Variants in NRM observed in about 807,000 individuals in gnomAD.
NRM encodes nurim.
In NRM, 19 loss-of-function variants were observed where a neutral mutation model predicts 23.4. The observed-to-expected ratio is 0.81, with a 90% confidence interval of 0.57 to 1.19. NRM has a LOEUF of 1.19. NRM is among the 50% of genes most tolerant of loss of function. The probability of loss-of-function intolerance (pLI) is 0.00; values close to 1 mark genes in which losing one functional copy is unlikely to be tolerated. For synonymous variants in NRM, 140 were observed against 143.5 expected (o/e 0.98, Z 0.17); for missense variants, 232 against 329.7 (o/e 0.70, Z 2.30).
Position 30,688,646 on chromosome 6 carries a change from A to G in NRM, c.*15T>C. 6.2e-7 allele frequency: 1 copy of G among 1,610,754 alleles called. No individual in the cohort carries two copies. Among genetic ancestry groups the G allele is most frequent in the Non-Finnish European group, 8.5e-7 (1 of 1,178,052 alleles). On this transcript the variant is annotated 3_prime_UTR_variant, in exon 4 of 4. Transcript: ENST00000376421. This position sits in a 1 kb window ranked among gnomAD's most constrained non-coding sequence, Gnocchi z 5.9. Reference sequence around the variant, plus strand: ...TGGGAGAGGAAGAACAGGGCTTGTAACCAGAGTGAGCTCCTCACTCTGCCT... The same window carrying G: ...TGGGAGAGGAAGAACAGGGCTTGTAGCCAGAGTGAGCTCCTCACTCTGCCT...
upstream of NRM, chr6:30,690,994 G>T: frequency 6.3e-7 from 1 of 1,590,556 alleles, no homozygotes; most frequent in East Asian, 2.3e-5. The surrounding 1 kb of genome is among the most constrained non-coding windows in gnomAD (Gnocchi z 5.5). Flanking sequence ...TGGAGGGGTG[G>T]GGAAAGGGGC....
In NRM at chr6:30,689,564, C is replaced by A; in HGVS notation, c.331-112G>T. ...GCTAGCCTGCAACTCTCCCCCACCT[C>A]TCTCCTAAGCATCACCACCAAATAT... is the stretch of plus-strand genomic sequence containing the variant. On this transcript the variant is annotated intron_variant, in intron 2 of 3. Coordinates refer to ENST00000376421, the MANE Select transcript of NRM (RefSeq NM_001384369.1). The surrounding 1 kb of genome is among the most constrained non-coding windows in gnomAD (Gnocchi z 4.7). 9.4e-7 allele frequency: 1 copy of A among 1,068,964 alleles called. No individual in the cohort carries two copies. The highest frequency in any genetic ancestry group is 1.3e-6 in the Non-Finnish European group (1 of 755,266). The allele number at this position is 1,068,964 out of a possible 1,614,324, so 66.2% of individuals were successfully genotyped here. A position where few individuals can be genotyped will look rare whatever the true frequency, so the allele number is the denominator to read the frequency against.
upstream of NRM, chr6:30,690,995 G>T: frequency 6.7e-7 from 1 of 1,497,476 alleles, no homozygotes; most frequent in Non-Finnish European, 9.2e-7. The surrounding 1 kb of genome is among the most constrained non-coding windows in gnomAD (Gnocchi z 5.5). Flanking sequence ...GGAGGGGTGG[G>T]GAAAGGGGCG....
chr6:30,691,000 G>A (rs1562047586), upstream of NRM: 2 of 1,577,812 alleles, frequency 1.3e-6, no homozygotes. The surrounding 1 kb of genome is among the most constrained non-coding windows in gnomAD (Gnocchi z 5.5). Context: ...GGTGGGGAAA[G>A]GGGCGGGGTC....
At position 30,690,935 on chromosome 6, in the gene NRM, A is replaced by G; in HGVS notation, c.40T>C (p.Ser14Pro). The G allele has an allele frequency of 6.5e-7, 1 of 1,539,644 alleles. No homozygotes were observed. Among genetic ancestry groups the G allele is most frequent in the Non-Finnish European group, 8.8e-7 (1 of 1,133,382 alleles). ...ALLLIPAALASFILAFGTGVE... is the reference protein window; with the variant it reads ...ALLLIPAALAPFILAFGTGVE... Reference sequence around the variant, plus strand: ...CCGGTGCCAAAGGCCAGGATGAAAGAGGCGAGGGCAGCAGGGATCAGGAGC... The same window carrying G: ...CCGGTGCCAAAGGCCAGGATGAAAGGGGCGAGGGCAGCAGGGATCAGGAGC... The change falls in exon 1 of 4, where the codon TCT (serine) becomes CCT (proline). Residue 14 changes from serine to proline, a missense_variant. Ser to Pro is a moderately conservative substitution (Grantham distance 74). Transcript: ENST00000376421. The surrounding 1 kb of genome is among the most constrained non-coding windows in gnomAD (Gnocchi z 5.5).
rs1180026495 is a variant in NRM, at chr6:30,689,040, G to A, written c.508-98C>T. The A allele has an allele frequency of 7.4e-7, 1 of 1,346,808 alleles. No individual in the cohort carries two copies. Among genetic ancestry groups the A allele is most frequent in the Non-Finnish European group, 1.0e-6 (1 of 1,003,632 alleles). The allele number at this position is 1,346,808 out of a possible 1,614,324, so 83.4% of individuals were successfully genotyped here. A position where few individuals can be genotyped will look rare whatever the true frequency, so the allele number is the denominator to read the frequency against. On this transcript the variant is annotated intron_variant, in intron 3 of 3. Coordinates refer to ENST00000376421, the MANE Select transcript of NRM (RefSeq NM_001384369.1). This position sits in a 1 kb window ranked among gnomAD's most constrained non-coding sequence, Gnocchi z 4.7. ...CCAGGCACCACCCTTCTAGAACTCAGGCCCAGGAACCCCCCTTCTGAGACT... is the reference window on the plus strand; with the variant it reads ...CCAGGCACCACCCTTCTAGAACTCAAGCCCAGGAACCCCCCTTCTGAGACT...
Position 30,688,743 on chromosome 6 carries a change from T to C in NRM, c.707A>G (p.Gln236Arg). 1.2e-6 allele frequency: 2 copies of C among 1,613,922 alleles called. No homozygotes were observed. The highest frequency in any genetic ancestry group is 1.7e-6 in the Non-Finnish European group (2 of 1,179,980). ...LYLGLAHGLD[Q>R]QDLRYLRAQL... Reference sequence around the variant, plus strand: ...GGCCCGGAGGTAGCGGAGGTCTTGCTGATCAAGCCCGTGAGCCAGGCCCAG... The same window carrying C: ...GGCCCGGAGGTAGCGGAGGTCTTGCCGATCAAGCCCGTGAGCCAGGCCCAG... The change falls in exon 4 of 4, where the codon CAG becomes CGG. Residue 236 changes from glutamine to arginine, a missense_variant. By Grantham distance (43) the Gln-to-Arg change is conservative. Coordinates refer to ENST00000376421, the MANE Select transcript of NRM (RefSeq NM_001384369.1). This position sits in a 1 kb window ranked among gnomAD's most constrained non-coding sequence, Gnocchi z 5.9.
Position 30,690,678 on chromosome 6 carries a change from T to G in NRM, c.133+164A>C. The G allele has an allele frequency of 6.2e-7, 1 of 1,607,516 alleles. No individual in the cohort carries two copies. The highest frequency in any genetic ancestry group is 8.5e-7 in the Non-Finnish European group (1 of 1,177,616). On this transcript the variant is annotated intron_variant, in intron 1 of 3. Coordinates refer to ENST00000376421, the MANE Select transcript of NRM (RefSeq NM_001384369.1). The surrounding 1 kb of genome is among the most constrained non-coding windows in gnomAD (Gnocchi z 5.5). ...AAAACTCTAATCCTTGAGTTCCTAA[T>G]TTAGAACTCAGGTCTCCCTCCCCTG...
At position 30,688,386 on chromosome 6, in the gene NRM, G is replaced by C. The variant is rs1771169598; in HGVS notation, c.*275C>G. ...CTTTCCTTCTCAGGAGGCTGTTGAG[G>C]GGGAGAGTGTCATGCTCTAAACAGT... On this transcript the variant is annotated 3_prime_UTR_variant, in exon 4 of 4. Transcript: ENST00000376421. This position sits in a 1 kb window ranked among gnomAD's most constrained non-coding sequence, Gnocchi z 5.9. 3.7e-6 allele frequency: 2 copies of C among 542,262 alleles called. No individual in the cohort carries two copies. Among genetic ancestry groups the C allele is most frequent in the Middle Eastern group, 4.8e-4 (1 of 2,076 alleles). 33.6% of individuals were successfully genotyped at this position (542,262 alleles called of 1,614,324 possible). A position where few individuals can be genotyped will look rare whatever the true frequency, so the allele number is the denominator to read the frequency against.
rs1771490191 is a variant in NRM, at chr6:30,690,439, T to C, written c.134-196A>G. ...CTCTTCCCTAGGCCTCCTGCAAACC[T>C]GGGGAAGAGGATTTATAGAACACCA... On this transcript the variant is annotated intron_variant, in intron 1 of 3. Transcript: ENST00000376421. The surrounding 1 kb of genome is among the most constrained non-coding windows in gnomAD (Gnocchi z 5.5). 2 of 1,202,276 alleles carry C rather than the reference T, an allele frequency of 1.7e-6. No individual in the cohort carries two copies. The highest frequency in any genetic ancestry group is 3.1e-5 in the South Asian group (2 of 63,820). 74.5% of individuals were successfully genotyped at this position (1,202,276 alleles called of 1,614,324 possible). A position where few individuals can be genotyped will look rare whatever the true frequency, so the allele number is the denominator to read the frequency against.
At position 30,689,533 on chromosome 6, in the gene NRM, C is replaced by A. The variant is rs3132591; in HGVS notation, c.331-81G>T. 1.4e-6 allele frequency: 2 copies of A among 1,383,280 alleles called. No individual in the cohort carries two copies. The highest frequency in any genetic ancestry group is 1.5e-5 in the South Asian group (1 of 68,340). The allele number at this position is 1,383,280 out of a possible 1,614,324, so 85.7% of individuals were successfully genotyped here. On this transcript the variant is annotated intron_variant, in intron 2 of 3. Transcript: ENST00000376421. The surrounding 1 kb of genome is among the most constrained non-coding windows in gnomAD (Gnocchi z 4.7). ...AGACCCAGACCCAGATCTGCCCCCA[C>A]CACAGGCTAGCCTGCAACTCTCCCC...
rs1282232862 is a variant in NRM at position 30,690,567 on chromosome 6, A to G, written c.133+275T>C. 6 of 1,541,840 alleles carry G rather than the reference A, an allele frequency of 3.9e-6. No homozygotes were observed. In the South Asian group the frequency reaches 7.2e-5, roughly 19 times the overall value. ...CCTTCTTTTTAACACTCTCCTCTCA[A>G]CAGTCCTCTCTACAAAACACTTTAC... On this transcript the variant is annotated intron_variant, in intron 1 of 3. Coordinates refer to ENST00000376421, the MANE Select transcript of NRM (RefSeq NM_001384369.1). The surrounding 1 kb of genome is among the most constrained non-coding windows in gnomAD (Gnocchi z 5.5).
chr6:30,690,337 C>T lies in NRM; in HGVS notation c.134-94G>A. On this transcript the variant is annotated intron_variant, in intron 1 of 3. Transcript: ENST00000376421. This position sits in a 1 kb window ranked among gnomAD's most constrained non-coding sequence, Gnocchi z 5.5. The stretch of plus-strand genomic sequence containing the variant: ...CTCCTCTTGGATCCCCAGGCCATGT[C>T]CCTTACTGCTTTCAAGAGCCTTAAT... 8.4e-7 allele frequency: 1 copy of T among 1,194,986 alleles called. No homozygotes were observed. Among genetic ancestry groups the T allele is most frequent in the Non-Finnish European group, 1.2e-6 (1 of 862,440 alleles). 74.0% of individuals were successfully genotyped at this position (1,194,986 alleles called of 1,614,324 possible). A position where few individuals can be genotyped will look rare whatever the true frequency, so the allele number is the denominator to read the frequency against.
At chr6:30,691,089 G>A, upstream of NRM, 1 of 1,237,202 alleles carries the variant, frequency 8.1e-7, no homozygotes, top group Admixed American at 2.7e-5. Context: ...GCTCCTGCAC[G>A]CCACCGCCAG....
In NRM at chr6:30,689,163, C is replaced by T. The variant is rs941378340; in HGVS notation, c.507+113G>A. 5.6e-5 allele frequency: 67 copies of T among 1,205,352 alleles called. No individual in the cohort carries two copies. The Admixed American group carries it at 9.1e-4, about 16-fold the overall frequency. 74.7% of individuals were successfully genotyped at this position (1,205,352 alleles called of 1,614,324 possible). ...GAGGGAAAGTCAAAGGGAAGGGCCACGAGGGAGAAGCAGGGAGACAGTAGA... is the reference window on the plus strand; with the variant it reads ...GAGGGAAAGTCAAAGGGAAGGGCCATGAGGGAGAAGCAGGGAGACAGTAGA... On this transcript the variant is annotated intron_variant, in intron 3 of 3. Transcript: ENST00000376421. The surrounding 1 kb of genome is among the most constrained non-coding windows in gnomAD (Gnocchi z 4.7).
upstream of NRM, chr6:30,690,992 T>TG (rs1562047557): frequency 7.7e-6 from 4 of 519,062 alleles, no homozygotes; most frequent in South Asian, 1.5e-5. This position sits in a 1 kb window ranked among gnomAD's most constrained non-coding sequence, Gnocchi z 5.5. Context: ...AATGGAGGGG[T>TG]GGGGAAAGGG....
Position 30,690,326 on chromosome 6 carries a change from C to T in NRM, c.134-83G>A. ...CCCACCCTCATCTCCTCTTGGATCC[C>T]CAGGCCATGTCCCTTACTGCTTTCA... On this transcript the variant is annotated intron_variant, in intron 1 of 3. Transcript: ENST00000376421. This position sits in a 1 kb window ranked among gnomAD's most constrained non-coding sequence, Gnocchi z 5.5. 1.6e-6 allele frequency: 2 copies of T among 1,276,232 alleles called. No individual in the cohort carries two copies. Among genetic ancestry groups the T allele is most frequent in the East Asian group, 4.9e-5 (2 of 40,576 alleles). The allele number at this position is 1,276,232 out of a possible 1,614,324, so 79.1% of individuals were successfully genotyped here.
Position 30,689,434 on chromosome 6 carries a change from C to A in NRM, c.349G>T (p.Glu117Ter). The A allele has an allele frequency of 6.3e-7, 1 of 1,575,494 alleles. No individual in the cohort carries two copies. Among genetic ancestry groups the A allele is most frequent in the Admixed American group, 1.8e-5 (1 of 54,854 alleles). Residue 117 changes from glutamate to a stop codon, truncating the protein, a stop_gained, in exon 3 of 4, where the codon GAG (glutamate) becomes TAG (stop). Coordinates refer to ENST00000376421, the MANE Select transcript of NRM (RefSeq NM_001384369.1). LOFTEE classifies it high-confidence loss of function. This position sits in a 1 kb window ranked among gnomAD's most constrained non-coding sequence, Gnocchi z 4.7. ...LALQLVMRYW[E>*]PIPKGPVLWE... ...AACACAGGGCCTTTGGGTATGGGCT[C>A]CCAGTACCGCATCACCAGCTGTGGA...
chr6:30,690,292 A>G lies in NRM; in HGVS notation c.134-49T>C, dbSNP rs758739069. 164 of 1,496,090 alleles carry G rather than the reference A, an allele frequency of 1.1e-4. No homozygotes were observed. The highest frequency in any genetic ancestry group is 1.2e-4 in the Non-Finnish European group (138 of 1,114,554). The allele number at this position is 1,496,090 out of a possible 1,614,324, so 92.7% of individuals were successfully genotyped here. A position where few individuals can be genotyped will look rare whatever the true frequency, so the allele number is the denominator to read the frequency against. ...AGACAAAAGATCGAAACAGTGGCAG[A>G]ATGTTTCCCCCACCCTCATCTCCTC... On this transcript the variant is annotated intron_variant, in intron 1 of 3. Coordinates refer to ENST00000376421, the MANE Select transcript of NRM (RefSeq NM_001384369.1). The surrounding 1 kb of genome is among the most constrained non-coding windows in gnomAD (Gnocchi z 5.5).
Sources: gnomAD v4.1 joint callset for allele counts on GRCh38, gnomAD v4.1.1 for gene constraint, Gnocchi (gnomAD v3.1) non-coding constraint, MANE v1.5 for transcripts, NCBI Gene and HGNC (gene_info 2026-07-23, HGNC 2026-07-21) for gene names.